CSMD1: variants seen among roughly 807,000 people sequenced by gnomAD.
CSMD1 encodes the protein CUB and Sushi multiple domains 1, also known as CUB and sushi domain-containing protein 1.
In CSMD1, 213 loss-of-function variants were observed where a neutral mutation model predicts 417.5. The ratio of observed to expected loss-of-function variants is 0.51; its 90% CI spans 0.46 to 0.57. The LOEUF is 0.57. CSMD1 is among the 20% of genes least tolerant of loss of function. The pLI is 0.00. For synonymous variants in CSMD1, 2,862 were observed against 1,736.8 expected, an observed-to-expected ratio of 1.65 and a Z score of -16.11; for missense variants, 6,923 against 4,529.7, an observed-to-expected ratio of 1.53 and a Z score of -15.17.
At chr8:3,897,064 T>C (rs1807419678) in intron 5 of CSMD1, among the ~76,000 whole-genome samples, 1 of 152,152 alleles carries the variant, frequency 6.6e-6, no homozygotes, top group Non-Finnish European at 1.5e-5. Flanking sequence ...GAAATTATTG[T>C]ACTGGAAGTT....
At chr8:4,788,165 G>A in intron 1 of CSMD1, 1 of 1,597,060 alleles carries the variant, frequency 6.3e-7, no homozygotes, top group Admixed American at 1.7e-5. Flanking sequence ...AAAAAATCAA[G>A]AAGGCCTGTG....
intron 1 of CSMD1, among the ~76,000 whole-genome samples, chr8:4,833,022 C>T (rs1015375824): frequency 2.6e-5 from 4 of 152,182 alleles, no homozygotes; most frequent in African/African-American, 7.2e-5. Flanking sequence ...ACCTTCATCA[C>T]TTCAATAGCT....
chr8:3,701,345 T>G (rs1041086138), intron 7 of CSMD1, among the ~76,000 whole-genome samples: 9 of 152,202 alleles, frequency 5.9e-5, no homozygotes, highest in Admixed American at 1.3e-4. Flanking sequence ...TCATGATAAT[T>G]CATGACTTCT....
In CSMD1 at chr8:3,508,178, C is replaced by T. The variant is rs1000669180; in HGVS notation, c.1345-14452G>A. ...TCATAGGTGGGAATTGAACAATGAC[C>T]AACCTCCTTGTCTCTTTGGTTGTCT... On this transcript the variant is annotated intron_variant, in intron 10 of 69. Coordinates refer to ENST00000635120, the MANE Select transcript of CSMD1 (RefSeq NM_033225.6). 6.6e-5 allele frequency among the ~76,000 whole-genome samples: 10 copies of T among 152,048 alleles called. 1 individual carries two copies. Among genetic ancestry groups the T allele is most frequent in the Admixed American group, 5.9e-4 (9 of 15,270 alleles).
chr8:3,372,743 T>C (rs1810048585), intron 18 of CSMD1, among the ~76,000 whole-genome samples: 1 of 152,076 alleles, frequency 6.6e-6, no homozygotes, highest in South Asian at 2.1e-4. Flanking sequence ...GGCTTGCCTG[T>C]AGAATGGCCG....
At position 3,409,582 on chromosome 8, in the gene CSMD1, C is replaced by A. The variant is rs2116913000; in HGVS notation, c.1585G>T (p.Asp529Tyr). Residue 529 changes from aspartate (D) to tyrosine (Y), a missense_variant, in exon 13 of 70, where the codon GAT (aspartate) becomes TAT (tyrosine). Asp to Tyr is a radical substitution (Grantham distance 160, BLOSUM62 -3). Coordinates refer to ENST00000635120, the MANE Select transcript of CSMD1 (RefSeq NM_033225.6). ...TTCCCATAGGCGGGGATTCCAGGAT[C>A]CCCACACCCTCCCTTTTCAATTTCT... ...YQEIEKGGCG[D>Y]PGIPAYGKRT... The A allele has an allele frequency of 6.2e-7, 1 of 1,601,420 alleles. No homozygotes were observed. Among genetic ancestry groups the A allele is most frequent in the Non-Finnish European group, 8.5e-7 (1 of 1,172,820 alleles).
At chr8:4,826,360 C>T (rs904395942) in intron 1 of CSMD1, among the ~76,000 whole-genome samples, 1 of 151,920 alleles carries the variant, frequency 6.6e-6, no homozygotes, top group African/African-American at 2.4e-5. Flanking sequence ...ACAGCTTTTT[C>T]CACTTTTTAA....
chr8:4,655,745 G>A (rs1226730127), intron 1 of CSMD1, among the ~76,000 whole-genome samples: 1 of 152,052 alleles, frequency 6.6e-6, no homozygotes, highest in Non-Finnish European at 1.5e-5. Context: ...ATGCCCAACA[G>A]CTACTCACAC....
At position 3,308,325 on chromosome 8, in the gene CSMD1, T is replaced by C. The variant is rs756872608; in HGVS notation, c.3810A>G (p.Leu1270=). Residue 1270 remains leucine (L), a synonymous_variant, in exon 24 of 70, where the codon CTA becomes CTG. Coordinates refer to ENST00000635120, the MANE Select transcript of CSMD1 (RefSeq NM_033225.6). The stretch of plus-strand genomic sequence containing the variant: ...TTCCACACTCACCTATGCACGAAGG[T>C]AGTGGTTTGTCCCACACTCTCCTGT... The part of the protein sequence containing the change: ...SGDRRVWDKP[L]PSCIAECGGQ... 9.9e-6 allele frequency: 16 copies of C among 1,610,254 alleles called. No homozygotes were observed. Among genetic ancestry groups the C allele is most frequent in the East Asian group, 2.2e-5 (1 of 44,708 alleles).
At chr8:4,844,822 A>T (rs1010306865) in intron 1 of CSMD1, among the ~76,000 whole-genome samples, 3 of 152,180 alleles carry the variant, frequency 2.0e-5, no homozygotes, top group Non-Finnish European at 2.9e-5. Context: ...GGGACAATCC[A>T]AACCAGCCTT....
intron 23 of CSMD1, among the ~76,000 whole-genome samples, chr8:3,330,578 G>A (rs1379089760): frequency 2.6e-5 from 4 of 152,176 alleles, no homozygotes; most frequent in Non-Finnish European, 4.4e-5. Flanking sequence ...GGGGATGACA[G>A]ACCCTGGGGC....
At chr8:3,450,029 C>T (rs1357747440) in intron 12 of CSMD1, among the ~76,000 whole-genome samples, 1 of 152,180 alleles carries the variant, frequency 6.6e-6, no homozygotes, top group Admixed American at 6.5e-5. Flanking sequence ...TCGATGTGGT[C>T]CTCAGGAGCC....
chr8:4,272,825 G>T (rs1471184658), intron 3 of CSMD1, among the ~76,000 whole-genome samples: 10 of 152,116 alleles, frequency 6.6e-5, no homozygotes, highest in African/African-American at 1.9e-4. Context: ...ACCTTTGCTT[G>T]TATCAGTCTT....
intron 12 of CSMD1, among the ~76,000 whole-genome samples, chr8:3,415,663 T>A (rs912678676): frequency 1.3e-5 from 2 of 152,182 alleles, no homozygotes; most frequent in Admixed American, 1.3e-4. Context: ...CCTGGCCTTG[T>A]ATGTCACATT....
chr8:3,907,924 C>A (rs1484355924), intron 5 of CSMD1, among the ~76,000 whole-genome samples: 2 of 152,132 alleles, frequency 1.3e-5, no homozygotes, highest in South Asian at 2.1e-4. Context: ...AAACAACATG[C>A]ATTCACTGAT....
At chr8:3,467,379 C>T (rs967342871) in intron 12 of CSMD1, among the ~76,000 whole-genome samples, 1 of 152,132 alleles carries the variant, frequency 6.6e-6, no homozygotes, top group African/African-American at 2.4e-5. Context: ...AAATGCAGGT[C>T]ATGTGGAAAA....
At chr8:4,441,843 T>C (rs968373035) in intron 2 of CSMD1, among the ~76,000 whole-genome samples, 2 of 152,182 alleles carry the variant, frequency 1.3e-5, no homozygotes, top group African/African-American at 4.8e-5. Context: ...AATAAAAGCA[T>C]GAACGAAAAT....
intron 3 of CSMD1, among the ~76,000 whole-genome samples, chr8:4,259,644 A>T (rs1367457690): frequency 6.6e-6 from 1 of 152,114 alleles, no homozygotes; most frequent in African/African-American, 2.4e-5. Flanking sequence ...TACCCAAAAC[A>T]ATGCCATTCT....
chr8:4,778,080 C>T (rs922583059), intron 1 of CSMD1, among the ~76,000 whole-genome samples: 2 of 151,944 alleles, frequency 1.3e-5, no homozygotes, highest in East Asian at 1.9e-4. Context: ...CATACTGGTG[C>T]AATATTTTAA....
Sources: gnomAD v4.1 joint callset for allele counts (sites outside exome capture counted in the v4.1 genomes callset) on GRCh38, gnomAD v4.1.1 for gene constraint, MANE v1.5 for transcripts, NCBI Gene and HGNC (gene_info 2026-07-23, HGNC 2026-07-21) for gene names.